AKAP6: variants seen among roughly 807,000 people sequenced by gnomAD.
AKAP6 encodes the protein A-kinase anchoring protein 6.
AKAP6 carries 58 observed loss-of-function variants against 188.5 expected under a neutral mutation model. The observed-to-expected ratio is 0.31, with a 90% CI of 0.25 to 0.38. The LOEUF (loss-of-function observed/expected upper bound fraction) is 0.38. AKAP6 is among the 10% of genes least tolerant of loss of function. The pLI, the probability that AKAP6 is intolerant of heterozygous loss-of-function variation, is 1.00. For missense variants in AKAP6, 2,710 were observed against 2,740.0 expected (o/e 0.99, Z 0.24); for synonymous variants, 989 against 998.6 (o/e 0.99, Z 0.18).
chr14:32,728,364 A>G (rs909999177), intron 9 of AKAP6, among the ~76,000 whole-genome samples: 1 of 137,044 alleles, frequency 7.3e-6, no homozygotes, highest in African/African-American at 2.8e-5. Context: ...CTATCTATCT[A>G]TCTATCTATC....
chr14:32,739,828 C>A (rs1388919199), intron 11 of AKAP6, among the ~76,000 whole-genome samples: 1 of 152,040 alleles, frequency 6.6e-6, no homozygotes, highest in African/African-American at 2.4e-5. Flanking sequence ...AGTGCTGCAA[C>A]AAATATGAGA....
intron 1 of AKAP6, among the ~76,000 whole-genome samples, chr14:32,358,198 C>G (rs1438687594): frequency 6.6e-6 from 1 of 152,138 alleles, no homozygotes; most frequent in Admixed American, 6.5e-5. Context: ...GGTATACCTT[C>G]CCCTCTCAAC....
chr14:32,541,822 A>G (rs1298563064), intron 3 of AKAP6, among the ~76,000 whole-genome samples: 1 of 152,246 alleles, frequency 6.6e-6, no homozygotes, highest in African/African-American at 2.4e-5. Context: ...AAAATTGCAT[A>G]AAGTATAACT....
At chr14:32,647,709 C>T (rs1214769242) in intron 7 of AKAP6, among the ~76,000 whole-genome samples, 1 of 152,038 alleles carries the variant, frequency 6.6e-6, no homozygotes, top group Non-Finnish European at 1.5e-5. Flanking sequence ...ATATTGGCAC[C>T]ACATGAGTGC....
intron 11 of AKAP6, among the ~76,000 whole-genome samples, chr14:32,738,964 A>G (rs911285493): frequency 6.6e-6 from 1 of 152,188 alleles, no homozygotes; most frequent in African/African-American, 2.4e-5. Context: ...CCTAGAGGCC[A>G]TAGTTTCCTG....
At chr14:32,691,348 G>A (rs1372945020) in intron 8 of AKAP6, among the ~76,000 whole-genome samples, 1 of 152,110 alleles carries the variant, frequency 6.6e-6, no homozygotes, top group Non-Finnish European at 1.5e-5. Context: ...GATCTTCTCT[G>A]TTTTCCTGCA....
chr14:32,688,804 A>G (rs954832694), intron 8 of AKAP6, among the ~76,000 whole-genome samples: 1 of 152,202 alleles, frequency 6.6e-6, no homozygotes, highest in Non-Finnish European at 1.5e-5. Context: ...TAGTCCAAGC[A>G]TAGCACTCTC....
chr14:32,610,100 C>T (rs1182070860), intron 7 of AKAP6, among the ~76,000 whole-genome samples: 2 of 152,108 alleles, frequency 1.3e-5, no homozygotes, highest in African/African-American at 4.8e-5. Context: ...AGCCTTTTAC[C>T]TGGGTGTGCT....
At chr14:32,774,678 T>C (rs561780106) in intron 12 of AKAP6, among the ~76,000 whole-genome samples, 2 of 152,328 alleles carry the variant, frequency 1.3e-5, no homozygotes, top group South Asian at 4.1e-4. Context: ...ATACTCCAAA[T>C]GACCTTGAGG....
At chr14:32,703,170 G>C (rs1890683252) in intron 9 of AKAP6, among the ~76,000 whole-genome samples, 1 of 152,142 alleles carries the variant, frequency 6.6e-6, no homozygotes, top group Non-Finnish European at 1.5e-5. Flanking sequence ...TGGAGGCAGA[G>C]TGGGAAGAAG....
intron 4 of AKAP6, among the ~76,000 whole-genome samples, chr14:32,553,449 G>A (rs1182107721): frequency 6.6e-6 from 1 of 152,130 alleles, no homozygotes; most frequent in Non-Finnish European, 1.5e-5. Flanking sequence ...TGTGATTACA[G>A]GCGTGAGCCA....
At chr14:32,749,323 C>A (rs1176529885) in intron 11 of AKAP6, among the ~76,000 whole-genome samples, 2 of 152,130 alleles carry the variant, frequency 1.3e-5, no homozygotes, top group Non-Finnish European at 2.9e-5. Flanking sequence ...TTTCTTTAAA[C>A]AGCACTTTCA....
intron 9 of AKAP6, among the ~76,000 whole-genome samples, chr14:32,714,396 GT>G (rs2030068539): frequency 6.6e-6 from 1 of 151,954 alleles, no homozygotes; most frequent in African/African-American, 2.4e-5. Context: ...TGTAAACATT[GT>G]AGTATCTGTA....
intron 7 of AKAP6, among the ~76,000 whole-genome samples, chr14:32,657,639 T>C (rs1452423181): frequency 6.6e-6 from 1 of 152,156 alleles, no homozygotes; most frequent in East Asian, 1.9e-4. Context: ...AGTATTATGA[T>C]TGTTTTTCTT....
intron 1 of AKAP6, among the ~76,000 whole-genome samples, chr14:32,349,398 A>G (rs1042643348): frequency 5.9e-5 from 9 of 152,160 alleles, no homozygotes; most frequent in Non-Finnish European, 1.2e-4. Flanking sequence ...GAAAGGAGGG[A>G]AAATGTTTTA....
chr14:32,479,695 G>C (rs1879242617), intron 2 of AKAP6, among the ~76,000 whole-genome samples: 1 of 152,086 alleles, frequency 6.6e-6, no homozygotes, highest in Non-Finnish European at 1.5e-5. Context: ...TTAGAAGGTG[G>C]GGCCTTTGGG....
intron 7 of AKAP6, among the ~76,000 whole-genome samples, chr14:32,604,669 G>A (rs1021330725): frequency 8.5e-5 from 13 of 152,160 alleles, no homozygotes; most frequent in African/African-American, 2.9e-4. Context: ...CTGTGCCTCC[G>A]TTTTCTCATT....
Position 32,834,582 on chromosome 14 carries a change from TACTC to T in AKAP6, c.*4778_*4781del, listed in dbSNP as rs1566747611. 2.0e-5 allele frequency: 3 copies of T among 146,704 alleles called. No homozygotes were observed. Among genetic ancestry groups the T allele is most frequent in the Admixed American group, 6.9e-5 (1 of 14,522 alleles). The allele number at this position is 146,704 out of a possible 1,614,324, so 9.1% of individuals were successfully genotyped here. On this transcript the variant is annotated 3_prime_UTR_variant, in exon 14 of 14. Transcript: ENST00000280979. ...ATCTTGCATAGTTTCCCTGTGCTTT[TACTC>T]TATTTTTCTTTGGGCTTTTATAACA...
At chr14:32,584,384 G>A (rs900927227) in intron 5 of AKAP6, among the ~76,000 whole-genome samples, 9 of 152,148 alleles carry the variant, frequency 5.9e-5, no homozygotes, top group African/African-American at 2.2e-4. Context: ...AACTCAGAAT[G>A]GCGTGCAATT....
Sources: allele counts gnomAD v4.1 joint callset (sites outside exome capture counted in the v4.1 genomes callset), GRCh38; gene constraint gnomAD v4.1.1; transcripts MANE v1.5; gene names NCBI Gene and HGNC (gene_info 2026-07-23, HGNC 2026-07-21).